ACTA2: variants seen among roughly 807,000 people sequenced by gnomAD.
ACTA2 encodes actin alpha 2, smooth muscle.
A neutral mutation model predicts 39.5 loss-of-function variants in ACTA2; 12 were observed. The ratio of observed to expected loss-of-function variants is 0.30; its 90% CI spans 0.19 to 0.49. The LOEUF (loss-of-function observed/expected upper bound fraction) is 0.49, where lower values mean the gene tolerates loss of function less well. Ranked by LOEUF, ACTA2 falls within the 20% of genes least tolerant of loss-of-function variation. The probability of loss-of-function intolerance (pLI) is 0.99; values close to 1 mark genes in which losing one functional copy is unlikely to be tolerated. For missense variants in ACTA2, 236 were observed against 498.8 expected, an observed-to-expected ratio of 0.47 and a Z score of 5.02; for synonymous variants, 158 against 180.6, an observed-to-expected ratio of 0.88 and a Z score of 1.00.
chr10:88,935,628 CTG>C, intron 8 of ACTA2: 1 of 398,176 alleles, frequency 2.5e-6, no homozygotes. Context: ...ATTGAGCAAA[CTG>C]AAAGTTGGCT....
chr10:88,979,653 C>T (rs992349696), intron 1 of ACTA2, among the ~76,000 whole-genome samples: 4 of 151,530 alleles, frequency 2.6e-5, no homozygotes, highest in African/African-American at 7.3e-5. Flanking sequence ...AGAGATGGGG[C>T]GAGAACAGCA....
chr10:88,939,419 C>T (rs1005280707), intron 7 of ACTA2, 88 bp downstream of exon 7: 36 of 1,557,682 alleles, frequency 2.3e-5, no homozygotes, highest in South Asian at 3.4e-5. Flanking sequence ...TTGGGGCAAC[C>T]GTCACTTGTC....
chr10:88,964,051 A>AT (rs902674901), intron 1 of ACTA2, among the ~76,000 whole-genome samples: 5 of 151,254 alleles, frequency 3.3e-5, no homozygotes, highest in South Asian at 2.1e-4. Context: ...ATGTTTTTAT[A>AT]TTTTTTTATT....
chr10:88,938,992 C>T (rs928039258), intron 7 of ACTA2, among the ~76,000 whole-genome samples: 9 of 152,100 alleles, frequency 5.9e-5, no homozygotes, highest in African/African-American at 9.7e-5. Flanking sequence ...TTACAGTCTC[C>T]GCTTTATACA....
At position 88,962,912 on chromosome 10, in the gene ACTA2, CATATATATAT is replaced by C. The variant is rs60878394; in HGVS notation, c.-23-13969_-23-13960del. On this transcript the variant is annotated intron_variant, in intron 1 of 4. Coordinates refer to the ACTA2 transcript ENST00000415557. ...AGAGAGTGAGTGCAGGGGAATGCCC[CATATATATAT>C]ATATATATATATATATATATATATA... Among the ~76,000 whole-genome samples the C allele has an allele frequency of 3.5e-3, 349 of 101,144 alleles. 5 individuals carry two copies. Among genetic ancestry groups the C allele is most frequent in the Non-Finnish European group, 4.6e-3 (228 of 49,840 alleles). The allele number at this position is 101,144 out of a possible 152,430, so 66.4% of individuals were successfully genotyped here.
chr10:88,947,403 C>T lies in ACTA2; in HGVS notation c.130-17G>A. On this transcript the variant is annotated splice_polypyrimidine_tract_variant and intron_variant, in intron 2 of 8. Coordinates refer to ENST00000224784, the MANE Select transcript of ACTA2 (RefSeq NM_001613.4). ...CATCACCCCCTAAAAAGGTTCAACA[C>T]ATTATGAGTCAGCATCTCCCAAAAC... The T allele has an allele frequency of 1.2e-6, 2 of 1,613,610 alleles. No individual in the cohort carries two copies. The highest frequency in any genetic ancestry group is 1.7e-6 in the Non-Finnish European group (2 of 1,179,762).
At chr10:88,977,232 C>G (rs925348457) in intron 1 of ACTA2, among the ~76,000 whole-genome samples, 4 of 151,562 alleles carry the variant, frequency 2.6e-5, no homozygotes, top group African/African-American at 9.7e-5. Context: ...ACATGAAGTC[C>G]TTGCCCATGC....
chr10:88,946,744 A>G (rs1445213599), intron 3 of ACTA2: 1 of 150,830 alleles, frequency 6.6e-6, no homozygotes, highest in Non-Finnish European at 1.5e-5. Context: ...TTTTTTTTTA[A>G]ATTTTATTAT....
At chr10:88,935,719 C>T (rs1042109197) in intron 8 of ACTA2, 11 of 331,600 alleles carry the variant, frequency 3.3e-5, no homozygotes, top group African/African-American at 1.5e-4. Context: ...GAATTCAACA[C>T]GATACACTTT....
In ACTA2 at chr10:88,941,235, T is replaced by TA. The variant is rs761262130; in HGVS notation, c.609dup (p.Thr204TyrfsTer4). ...TATCTCCCACAGGCCTCACCAGTAG[T>TA]AACGAAGGAATAGCCACGCTCAGTC... On this transcript the variant is annotated frameshift_variant, in exon 6 of 9. Transcript: ENST00000224784. LOFTEE classifies it high-confidence loss of function. 1 of 1,613,828 alleles carries TA rather than the reference T, an allele frequency of 6.2e-7. No homozygotes were observed. Among genetic ancestry groups the TA allele is most frequent in the Non-Finnish European group, 8.5e-7 (1 of 1,179,870 alleles).
At chr10:88,958,001 C>T (rs762382255) in intron 1 of ACTA2, among the ~76,000 whole-genome samples, 2 of 152,076 alleles carry the variant, frequency 1.3e-5, no homozygotes, top group African/African-American at 2.4e-5. Flanking sequence ...CTCCTGACCT[C>T]GTGATCTGCC....
intron 1 of ACTA2, among the ~76,000 whole-genome samples, chr10:88,970,383 GC>G (rs1320967355): frequency 6.6e-6 from 1 of 152,058 alleles, no homozygotes; most frequent in Non-Finnish European, 1.5e-5. Context: ...AAATTGCTGT[GC>G]CCTTTTCTGA....
upstream of ACTA2, among the ~76,000 whole-genome samples, chr10:88,956,303 G>T (rs2133290005): frequency 1.3e-5 from 2 of 152,266 alleles, no homozygotes; most frequent in East Asian, 3.9e-4. Flanking sequence ...GCTCTTGTGG[G>T]GGTCTATGTC....
chr10:88,987,075 A>G (rs547235194), intron 1 of ACTA2, among the ~76,000 whole-genome samples: 1 of 152,316 alleles, frequency 6.6e-6, no homozygotes, highest in African/African-American at 2.4e-5. Context: ...AAGAACCCAT[A>G]CATATTTCTA....
At chr10:88,978,312 G>A (rs1475407486) in intron 1 of ACTA2, among the ~76,000 whole-genome samples, 2 of 149,082 alleles carry the variant, frequency 1.3e-5, no homozygotes, top group Non-Finnish European at 3.0e-5. Context: ...TGACGAGTTA[G>A]TGGGTGCAGC....
intron 1 of ACTA2, among the ~76,000 whole-genome samples, chr10:88,986,456 A>G (rs572452036): frequency 1.3e-5 from 2 of 152,098 alleles, no homozygotes; most frequent in East Asian, 3.9e-4. Context: ...TCTTTAATGC[A>G]TTGTCTTTTT....
At chr10:88,957,749 C>T (rs1846160991), upstream of ACTA2, among the ~76,000 whole-genome samples, 1 of 152,066 alleles carries the variant, frequency 6.6e-6, no homozygotes, top group Middle Eastern at 3.2e-3. Context: ...GTATCCCCTT[C>T]CCCTAGGAAG....
Position 88,989,682 on chromosome 10 carries a change from A to T in ACTA2, c.-24+1257T>A, listed in dbSNP as rs72809363. ...CAAACAGGCTCCAGAAGAAAATGTC[A>T]ACTGAGAGGAAGCCTGAAGGATGAA... On this transcript the variant is annotated intron_variant, in intron 1 of 4. Coordinates refer to the ACTA2 transcript ENST00000415557. 1,455 of 434,506 alleles carry T rather than the reference A, an allele frequency of 3.3e-3. 5 individuals carry two copies. Among genetic ancestry groups the T allele is most frequent in the Admixed American group, 5.8e-3 (215 of 36,882 alleles). 26.9% of individuals were successfully genotyped at this position (434,506 alleles called of 1,614,324 possible).
chr10:88,971,270 A>G (rs1212561536), intron 1 of ACTA2, among the ~76,000 whole-genome samples: 1 of 152,238 alleles, frequency 6.6e-6, no homozygotes, highest in Non-Finnish European at 1.5e-5. Context: ...CAGATGATGT[A>G]TCTGTTTTTC....
Sources: allele counts gnomAD v4.1 joint callset (sites outside exome capture counted in the v4.1 genomes callset), GRCh38; gene constraint gnomAD v4.1.1; transcripts MANE v1.5; gene names NCBI Gene and HGNC (gene_info 2026-07-23, HGNC 2026-07-21).